The following GRXCR1 variants were observed in gnomAD, a reference collection of about 807,000 sequenced individuals.
GRXCR1 encodes the protein glutaredoxin and cysteine rich domain containing 1, also known as glutaredoxin domain-containing cysteine-rich protein 1.
In GRXCR1, 27 loss-of-function variants were observed where a neutral mutation model predicts 27.3. That is an observed-to-expected ratio of 0.99 (90% confidence interval 0.73 to 1.37). The LOEUF (loss-of-function observed/expected upper bound fraction) is 1.37, where lower values mean the gene tolerates loss of function less well. Among genes scored for constraint, GRXCR1 ranks in the 40% most tolerant of loss-of-function variants. The pLI, the probability that GRXCR1 is intolerant of heterozygous loss-of-function variation, is 0.00. For synonymous variants in GRXCR1, 122 were observed against 131.1 expected (o/e 0.93, Z 0.47); for missense variants, 379 against 354.4 (o/e 1.07, Z -0.56).
At chr4:43,006,017 C>T (rs1712546007) in intron 2 of GRXCR1, among the ~76,000 whole-genome samples, 2 of 152,178 alleles carry the variant, frequency 1.3e-5, no homozygotes, top group Admixed American at 1.3e-4. Context: ...ATTAGTTCCC[C>T]AAATTAATAC....
chr4:43,024,746 T>A (rs1430182982), intron 3 of GRXCR1, among the ~76,000 whole-genome samples: 1 of 151,976 alleles, frequency 6.6e-6, no homozygotes, highest in African/African-American at 2.4e-5. Context: ...GGCAGAGGGG[T>A]GTTTAGTAGG....
intron 1 of GRXCR1, among the ~76,000 whole-genome samples, chr4:42,940,874 A>G (rs572061659): frequency 2.0e-5 from 3 of 152,212 alleles, no homozygotes; most frequent in South Asian, 4.1e-4. Context: ...TTAGTGGAAT[A>G]GAACATTAAA....
Position 42,955,309 on chromosome 4 carries a change from G to A in GRXCR1, c.385-7583G>A, listed in dbSNP as rs183630519. 2.6e-3 allele frequency among the ~76,000 whole-genome samples: 392 copies of A among 152,202 alleles called. 1 individual carries two copies. Among genetic ancestry groups the A allele is most frequent in the African/African-American group, 9.1e-3 (376 of 41,538 alleles). ...ATTCAACATGCCCCGTGTGATGTAA[G>A]TGACCGATACATGTGGGACCATAAT... is the stretch of plus-strand genomic sequence containing the variant. On this transcript the variant is annotated intron_variant, in intron 1 of 3. Transcript: ENST00000399770.
At position 42,952,284 on chromosome 4, in the gene GRXCR1, A is replaced by G. The variant is rs574521627; in HGVS notation, c.385-10608A>G. Among the ~76,000 whole-genome samples the G allele has an allele frequency of 6.6e-5, 10 of 152,242 alleles. No homozygotes were observed. The South Asian group carries it at 2.1e-3, about 32-fold the overall frequency. On this transcript the variant is annotated intron_variant, in intron 1 of 3. Coordinates refer to ENST00000399770, the MANE Select transcript of GRXCR1 (RefSeq NM_001080476.3). The stretch of plus-strand genomic sequence containing the variant: ...TGGTTATAAACTTTATGTTCCCACC[A>G]CTTTTCTAGCTGAGTAGGCTCCACT...
intron 3 of GRXCR1, among the ~76,000 whole-genome samples, chr4:43,025,919 T>G (rs1384992130): frequency 1.4e-5 from 2 of 146,460 alleles, no homozygotes; most frequent in Non-Finnish European, 3.0e-5. Context: ...GAGCTTGCAG[T>G]GAGCTGAGAT....
At chr4:42,901,447 C>T (rs1368640525) in intron 1 of GRXCR1, among the ~76,000 whole-genome samples, 2 of 152,142 alleles carry the variant, frequency 1.3e-5, no homozygotes, top group Non-Finnish European at 2.9e-5. Context: ...CATTCCTTGG[C>T]TTGTGGCCCT....
intron 2 of GRXCR1, among the ~76,000 whole-genome samples, chr4:42,963,951 T>C (rs189507858): frequency 9.9e-5 from 15 of 152,062 alleles, no homozygotes; most frequent in Admixed American, 9.2e-4. Flanking sequence ...TTAACCTTCA[T>C]TTTTCAGAGG....
At chr4:42,929,292 C>A (rs1011465410) in intron 1 of GRXCR1, among the ~76,000 whole-genome samples, 5 of 151,974 alleles carry the variant, frequency 3.3e-5, no homozygotes, top group South Asian at 2.1e-4. Flanking sequence ...CCCCAGCAGG[C>A]AAATGTCCCC....
intron 2 of GRXCR1, among the ~76,000 whole-genome samples, chr4:42,994,982 T>G (rs1712097041): frequency 6.6e-6 from 1 of 152,212 alleles, no homozygotes; most frequent in African/African-American, 2.4e-5. Flanking sequence ...CCAATTTGTA[T>G]ATACATGCAT....
chr4:43,018,330 G>A (rs1295180951), intron 2 of GRXCR1, among the ~76,000 whole-genome samples: 1 of 152,132 alleles, frequency 6.6e-6, no homozygotes, highest in Non-Finnish European at 1.5e-5. Flanking sequence ...CCTCTGTTAT[G>A]GAGCAGCTTT....
intron 1 of GRXCR1, among the ~76,000 whole-genome samples, chr4:42,924,898 C>T (rs1174962032): frequency 6.6e-6 from 1 of 152,000 alleles, no homozygotes; most frequent in Non-Finnish European, 1.5e-5. Flanking sequence ...AACTGCCAGG[C>T]TTCCCAAGAC....
At chr4:42,949,354 C>CAAA (rs10622265) in intron 1 of GRXCR1, among the ~76,000 whole-genome samples, 65 of 81,038 alleles carry the variant, frequency 8.0e-4, no homozygotes, top group East Asian at 1.6e-3. Context: ...GACTCCATCT[C>CAAA]AAAAAAAAAA....
At chr4:42,902,877 C>T (rs1746492426) in intron 1 of GRXCR1, among the ~76,000 whole-genome samples, 1 of 152,160 alleles carries the variant, frequency 6.6e-6, no homozygotes, top group African/African-American at 2.4e-5. Context: ...GACTCTAACA[C>T]ATTATTCTTG....
chr4:43,001,101 AT>A (rs112275383), intron 2 of GRXCR1, among the ~76,000 whole-genome samples: 2,276 of 133,638 alleles, frequency 0.017, 48 homozygotes, highest in African/African-American at 0.051. Context: ...TAATTTTTGT[AT>A]TTTTTTTTTT....
rs188573596 is a variant in GRXCR1 at position 43,010,579 on chromosome 4, G to A, written c.628-9775G>A. On this transcript the variant is annotated intron_variant, in intron 2 of 3. Transcript: ENST00000399770. The stretch of plus-strand genomic sequence containing the variant: ...TAGAGGATTCTCTAACTAAAAGAAA[G>A]AATGAAGAATGGATGGGGGTGGGGT... Among the ~76,000 whole-genome samples, 9 of 152,100 alleles carry A rather than the reference G, an allele frequency of 5.9e-5. No homozygotes were observed. In the East Asian group the frequency reaches 1.7e-3, roughly 29 times the overall value.
chr4:42,931,270 AATCAAAGT>A (rs2109756536), intron 1 of GRXCR1, among the ~76,000 whole-genome samples: 1 of 152,128 alleles, frequency 6.6e-6, no homozygotes, highest in South Asian at 2.1e-4. Context: ...GCAGTATAAT[AATCAAAGT>A]TTTGAATTTC....
Position 42,959,880 on chromosome 4 carries a change from G to T in GRXCR1, c.385-3012G>T, listed in dbSNP as rs147282414. ...TTCTTATTTAATTGGTATGGGCTTG[G>T]TCTAGGATTTGGAGATTTTCAAAGG... On this transcript the variant is annotated intron_variant, in intron 1 of 3. Transcript: ENST00000399770. Among the ~76,000 whole-genome samples, 184 of 151,964 alleles carry T rather than the reference G, an allele frequency of 1.2e-3. 1 individual carries two copies. Among genetic ancestry groups the T allele is most frequent in the African/African-American group, 4.2e-3 (174 of 41,504 alleles).
chr4:42,955,281 A>C (rs535069733), intron 1 of GRXCR1, among the ~76,000 whole-genome samples: 1 of 152,252 alleles, frequency 6.6e-6, no homozygotes, highest in South Asian at 2.1e-4. Context: ...CTGAAAAAAA[A>C]ATATTCAACA....
At chr4:42,987,228 A>ATTATATATATATATAT (rs1553943918) in intron 2 of GRXCR1, among the ~76,000 whole-genome samples, 1 of 91,918 alleles carries the variant, frequency 1.1e-5, no homozygotes. Context: ...TATATTATAT[A>ATTATATATATATATAT]TTATATATAT....
Sources: gnomAD v4.1 joint callset for allele counts (sites outside exome capture counted in the v4.1 genomes callset) on GRCh38, gnomAD v4.1.1 for gene constraint, MANE v1.5 for transcripts, NCBI Gene and HGNC (gene_info 2026-07-23, HGNC 2026-07-21) for gene names.